Variants in PCDH7 observed in about 807,000 individuals in gnomAD.
The protein encoded by PCDH7 is protocadherin-7.
A neutral mutation model predicts 58.9 loss-of-function variants in PCDH7; 17 were observed. The ratio of observed to expected loss-of-function variants is 0.29; its 90% confidence interval spans 0.20 to 0.43. The LOEUF (loss-of-function observed/expected upper bound fraction) is 0.43, where lower values mean the gene tolerates loss of function less well. Ranked by LOEUF, PCDH7 falls within the 20% of genes least tolerant of loss-of-function variation. The pLI is 1.00. For missense variants in PCDH7, 1,274 were observed against 1,441.0 expected (o/e 0.88, Z 1.88); for synonymous variants, 664 against 616.4 (o/e 1.08, Z -1.14).
At chr4:31,072,754 C>T (rs1421106054) in intron 3 of PCDH7, among the ~76,000 whole-genome samples, 2 of 152,148 alleles carry the variant, frequency 1.3e-5, no homozygotes, top group South Asian at 2.1e-4. Flanking sequence ...ACATATTCAC[C>T]CATTAATTCA....
chr4:31,093,939 T>C (rs1186354770), intron 3 of PCDH7, among the ~76,000 whole-genome samples: 3 of 152,142 alleles, frequency 2.0e-5, no homozygotes, highest in South Asian at 2.1e-4. Context: ...TAACTGGAAT[T>C]TGTAAGCGAT....
chr4:31,044,272 T>G (rs1185274421), intron 3 of PCDH7, among the ~76,000 whole-genome samples: 3 of 152,070 alleles, frequency 2.0e-5, no homozygotes, highest in Non-Finnish European at 4.4e-5. Flanking sequence ...GGGATTTTTA[T>G]ACAAACTGTG....
At chr4:30,962,376 A>C (rs2109461238) in intron 3 of PCDH7, among the ~76,000 whole-genome samples, 1 of 152,306 alleles carries the variant, frequency 6.6e-6, no homozygotes, top group African/African-American at 2.4e-5. Flanking sequence ...CCTATGTAAT[A>C]CTTTTCCTAA....
chr4:31,140,888 A>G (rs539325078), intron 3 of PCDH7, among the ~76,000 whole-genome samples: 1 of 152,328 alleles, frequency 6.6e-6, no homozygotes, highest in East Asian at 1.9e-4. Flanking sequence ...ATAAATAATT[A>G]ACCTTACATT....
chr4:30,952,793 G>T (rs116231950), intron 3 of PCDH7, among the ~76,000 whole-genome samples: 1 of 151,930 alleles, frequency 6.6e-6, no homozygotes, highest in Non-Finnish European at 1.5e-5. Context: ...AGCAAGATAC[G>T]GGCTTATGCA....
intron 1 of PCDH7, among the ~76,000 whole-genome samples, chr4:30,838,511 T>C (rs1426648578): frequency 1.3e-5 from 2 of 152,094 alleles, no homozygotes; most frequent in Admixed American, 1.3e-4. Flanking sequence ...TTTCCCCCTT[T>C]TAAAATAAAC....
chr4:30,961,517 A>C (rs1748436403), intron 3 of PCDH7, among the ~76,000 whole-genome samples: 1 of 152,006 alleles, frequency 6.6e-6, no homozygotes, highest in African/African-American at 2.4e-5. Context: ...GTGCCACTGC[A>C]CTCCAGCCTG....
intron 1 of PCDH7, among the ~76,000 whole-genome samples, chr4:30,876,033 C>A (rs1578134075): frequency 1.3e-5 from 2 of 152,098 alleles, no homozygotes; most frequent in South Asian, 4.1e-4. Flanking sequence ...CCAAGTAGAT[C>A]TGTAATATGT....
At chr4:30,735,649 G>A (rs1486016455), downstream of PCDH7, among the ~76,000 whole-genome samples, 1 of 152,160 alleles carries the variant, frequency 6.6e-6, no homozygotes, top group Non-Finnish European at 1.5e-5. Flanking sequence ...GGGCCTTGAG[G>A]AAAGATGGGG....
At chr4:31,133,721 T>C (rs1175496872) in intron 3 of PCDH7, among the ~76,000 whole-genome samples, 1 of 152,188 alleles carries the variant, frequency 6.6e-6, no homozygotes, top group Non-Finnish European at 1.5e-5. Flanking sequence ...TCTGCTGTAG[T>C]GCAGTTTTCA....
intron 3 of PCDH7, among the ~76,000 whole-genome samples, chr4:31,088,476 C>G (rs1324452628): frequency 6.6e-6 from 1 of 151,984 alleles, no homozygotes; most frequent in Non-Finnish European, 1.5e-5. Flanking sequence ...CTTTATATCT[C>G]ATACGTCATA....
chr4:31,031,426 T>C (rs1285518639), intron 3 of PCDH7, among the ~76,000 whole-genome samples: 2 of 152,258 alleles, frequency 1.3e-5, no homozygotes, highest in East Asian at 3.9e-4. Flanking sequence ...AGGAAGAATA[T>C]TCACAAAAGC....
At position 31,061,671 on chromosome 4, in the gene PCDH7, A is replaced by G. The variant is rs73117108; in HGVS notation, c.*8-80802A>G. On this transcript the variant is annotated intron_variant, in intron 3 of 3. Transcript: ENST00000509759. ...TAACAAAAGAGGCTTAAAAGTCAGT[A>G]ATCTTAAATTCAGTGTAACAGAATT... Among the ~76,000 whole-genome samples the G allele has an allele frequency of 4.4e-3, 669 of 151,866 alleles. 7 individuals carry two copies. Among genetic ancestry groups the G allele is most frequent in the African/African-American group, 0.016 (646 of 41,518 alleles).
chr4:30,828,160 T>A (rs1174676149), intron 1 of PCDH7, among the ~76,000 whole-genome samples: 2 of 152,076 alleles, frequency 1.3e-5, no homozygotes, highest in Non-Finnish European at 2.9e-5. Flanking sequence ...GGTACTATTA[T>A]TGTTAGTTTT....
intron 3 of PCDH7, among the ~76,000 whole-genome samples, chr4:31,061,509 TTATTTTCTG>T (rs1430934169): frequency 2.0e-5 from 3 of 151,116 alleles, no homozygotes; most frequent in Non-Finnish European, 4.4e-5. Context: ...AAAATTATAC[TTATTTTCTG>T]TCATTATAAA....
intron 1 of PCDH7, among the ~76,000 whole-genome samples, chr4:30,872,221 T>G (rs553696875): frequency 6.6e-6 from 1 of 152,184 alleles, no homozygotes; most frequent in East Asian, 1.9e-4. Flanking sequence ...TATAATCATA[T>G]CAGAATTCTT....
chr4:30,944,682 T>C (rs905810172), intron 2 of PCDH7, among the ~76,000 whole-genome samples: 1 of 152,086 alleles, frequency 6.6e-6, no homozygotes, highest in African/African-American at 2.4e-5. Flanking sequence ...CAACTGTAAG[T>C]CAGGAAGATA....
downstream of PCDH7, among the ~76,000 whole-genome samples, chr4:30,735,549 A>G (rs1716131309): frequency 6.6e-6 from 1 of 152,172 alleles, no homozygotes; most frequent in Non-Finnish European, 1.5e-5. Flanking sequence ...TTCAGACTTT[A>G]GCTCGCCAGG....
At chr4:30,895,143 A>T (rs375587480) in intron 1 of PCDH7, among the ~76,000 whole-genome samples, 145 of 151,888 alleles carry the variant, frequency 9.5e-4, no homozygotes, top group African/African-American at 2.6e-3. Context: ...AGCAAAAAAA[A>T]AATAATAATA....
Sources: gnomAD v4.1 joint callset for allele counts (sites outside exome capture counted in the v4.1 genomes callset) on GRCh38, gnomAD v4.1.1 for gene constraint, MANE v1.5 for transcripts, NCBI Gene and HGNC (gene_info 2026-07-23, HGNC 2026-07-21) for gene names.